The following SEMA6D variants were observed in gnomAD, a reference collection of about 807,000 sequenced individuals.
The protein encoded by SEMA6D is semaphorin 6D, also known as semaphorin-6D.
A neutral mutation model predicts 106.6 loss-of-function variants in SEMA6D; 35 were observed. The ratio of observed to expected loss-of-function variants is 0.33; its 90% CI spans 0.25 to 0.44. SEMA6D has a LOEUF of 0.44. Ranked by LOEUF, SEMA6D falls within the 20% of genes least tolerant of loss-of-function variation. The pLI, the probability that SEMA6D is intolerant of heterozygous loss-of-function variation, is 1.00. For missense variants in SEMA6D, 1,185 were observed against 1,345.9 expected (o/e 0.88, Z 1.87); for synonymous variants, 499 against 487.7 (o/e 1.02, Z -0.31).
intron 1 of SEMA6D, among the ~76,000 whole-genome samples, chr15:47,228,018 A>T (rs28524009): frequency 0.074 from 67 of 908 alleles, no homozygotes; most frequent in South Asian, 0.36. Flanking sequence ...TATAAGAATC[A>T]TATATTTTTT....
chr15:47,661,997 C>G (rs968748144), intron 4 of SEMA6D, among the ~76,000 whole-genome samples: 1 of 152,172 alleles, frequency 6.6e-6, no homozygotes, highest in Non-Finnish European at 1.5e-5. Flanking sequence ...CCGGTTGTTA[C>G]AGTCTTCAGA....
At chr15:47,193,301 GA>G (rs1307023571) in intron 1 of SEMA6D, among the ~76,000 whole-genome samples, 6 of 152,076 alleles carry the variant, frequency 3.9e-5, no homozygotes, top group African/African-American at 1.4e-4. Context: ...TACAAAATAC[GA>G]AATGCTCCAA....
chr15:47,231,791 A>C (rs559381294), intron 1 of SEMA6D, among the ~76,000 whole-genome samples: 2 of 152,154 alleles, frequency 1.3e-5, no homozygotes, highest in African/African-American at 4.8e-5. Flanking sequence ...GGTAATCCAT[A>C]GGCTAAACAG....
At position 47,344,563 on chromosome 15, in the gene SEMA6D, T is replaced by A. The variant is rs138178749; in HGVS notation, c.-238-67830T>A. Among the ~76,000 whole-genome samples, 1,129 of 152,204 alleles carry A rather than the reference T, an allele frequency of 7.4e-3. 22 individuals are homozygous for A. Among genetic ancestry groups the A allele is most frequent in the African/African-American group, 0.026 (1,077 of 41,550 alleles). ...GCTCCCTGTGTTGAGGATATGAAAC[T>A]GAGAGTCTGAGAAGACCAAGGTGGC... On this transcript the variant is annotated intron_variant, in intron 1 of 19. Transcript: ENST00000558014.
intron 4 of SEMA6D, among the ~76,000 whole-genome samples, chr15:47,686,952 G>A (rs2078482417): frequency 1.3e-5 from 2 of 151,480 alleles, no homozygotes; most frequent in African/African-American, 4.9e-5. Context: ...TGTAGTCCTA[G>A]CTACTCAGGA....
At chr15:47,208,035 A>G (rs1895223332) in intron 1 of SEMA6D, among the ~76,000 whole-genome samples, 1 of 146,178 alleles carries the variant, frequency 6.8e-6, no homozygotes, top group South Asian at 2.2e-4. Flanking sequence ...ACACACACAC[A>G]CACACACACA....
intron 4 of SEMA6D, among the ~76,000 whole-genome samples, chr15:47,655,340 G>A (rs375495291): frequency 6.6e-6 from 1 of 152,088 alleles, no homozygotes; most frequent in Non-Finnish European, 1.5e-5. Context: ...AACTTCCCAG[G>A]GATTTTGATG....
chr15:47,241,501 C>G (rs1157747472), intron 1 of SEMA6D: 1 of 152,046 alleles, frequency 6.6e-6, no homozygotes, highest in Non-Finnish European at 1.5e-5. Flanking sequence ...GGTTTGTTCT[C>G]TATATCTCCT....
rs941731386 is a variant in SEMA6D, at chr15:47,543,108, A to G, written c.-86-57757A>G. On this transcript the variant is annotated intron_variant, in intron 3 of 19. Transcript: ENST00000558014. ...GGGATGTCATCAGTTTTATATCACT[A>G]TATCAGCAATGCTTTAACAATGTTG... Among the ~76,000 whole-genome samples, 6 of 152,290 alleles carry G rather than the reference A, an allele frequency of 3.9e-5. 1 individual carries two copies. The South Asian group carries it at 1.2e-3, about 32-fold the overall frequency.
At chr15:47,185,062 G>T (rs1481763320) in intron 1 of SEMA6D, among the ~76,000 whole-genome samples, 1 of 151,990 alleles carries the variant, frequency 6.6e-6, no homozygotes, top group East Asian at 2.0e-4. Flanking sequence ...GCGGGCTTGC[G>T]CGCGGCCGGC....
At chr15:47,605,402 C>CT (rs1418424844) in intron 4 of SEMA6D, 1 of 152,192 alleles carries the variant, frequency 6.6e-6, no homozygotes, top group Non-Finnish European at 1.5e-5. Context: ...AGCAATAAAT[C>CT]TAAGAGGCTT....
At chr15:47,769,629 T>A (rs1032025692) in intron 18 of SEMA6D, among the ~76,000 whole-genome samples, 2 of 152,196 alleles carry the variant, frequency 1.3e-5, no homozygotes, top group African/African-American at 4.8e-5. Flanking sequence ...AAAATCACTC[T>A]GACTTACCTT....
chr15:47,736,012 C>G (rs980611093), intron 1 of SEMA6D, among the ~76,000 whole-genome samples: 3 of 152,170 alleles, frequency 2.0e-5, no homozygotes, highest in Non-Finnish European at 4.4e-5. Context: ...TTTCTACTTT[C>G]CAGAGCTATC....
intron 3 of SEMA6D, among the ~76,000 whole-genome samples, chr15:47,594,378 T>G (rs1020633374): frequency 1.3e-5 from 2 of 152,220 alleles, no homozygotes; most frequent in Non-Finnish European, 2.9e-5. Context: ...ATTTCTGAAG[T>G]TAGCATACCC....
chr15:47,456,652 A>C (rs1355763712), intron 2 of SEMA6D, among the ~76,000 whole-genome samples: 1 of 152,044 alleles, frequency 6.6e-6, no homozygotes, highest in Admixed American at 6.6e-5. Context: ...AATATTTCCA[A>C]AACAACAGTT....
chr15:47,613,823 T>A (rs535688713), intron 4 of SEMA6D, among the ~76,000 whole-genome samples: 2 of 152,148 alleles, frequency 1.3e-5, no homozygotes, highest in South Asian at 4.2e-4. Flanking sequence ...CCCAGCTAAT[T>A]TTTTTATACA....
intron 1 of SEMA6D, among the ~76,000 whole-genome samples, chr15:47,409,017 A>C (rs1366684539): frequency 6.6e-6 from 1 of 152,236 alleles, no homozygotes; most frequent in East Asian, 1.9e-4. Flanking sequence ...GATTAGTATC[A>C]CTGATGCACT....
chr15:47,471,678 T>A (rs2141176869), intron 3 of SEMA6D, among the ~76,000 whole-genome samples: 1 of 152,228 alleles, frequency 6.6e-6, no homozygotes, highest in South Asian at 2.1e-4. Context: ...CCCATATTCC[T>A]TGGTATTTGA....
At chr15:47,531,504 A>G (rs1596255309) in intron 3 of SEMA6D, among the ~76,000 whole-genome samples, 1 of 152,262 alleles carries the variant, frequency 6.6e-6, no homozygotes, top group African/African-American at 2.4e-5. Flanking sequence ...AAAGCACTTT[A>G]TATCATTGAA....
Sources: allele counts gnomAD v4.1 joint callset (sites outside exome capture counted in the v4.1 genomes callset), GRCh38; gene constraint gnomAD v4.1.1; transcripts MANE v1.5; gene names NCBI Gene and HGNC (gene_info 2026-07-23, HGNC 2026-07-21).